MRFAP1L2: variants seen among roughly 807,000 people sequenced by gnomAD.
MRFAP1L2 encodes the protein Morf4 family associated protein 1 like 2.
chr4:6,674,384 G>C, the MRFAP1L2 span: 1 of 648,424 alleles, frequency 1.5e-6, no homozygotes, highest in Admixed American at 2.4e-5. Context: ...CCTGCTCGAC[G>C]CCATCAAGAG....
chr4:6,674,423 C>T, the MRFAP1L2 span: 4 of 653,422 alleles, frequency 6.1e-6, no homozygotes, highest in South Asian at 4.8e-5. Flanking sequence ...GCGGGGCGCC[C>T]GGGCCCCAGC....
the MRFAP1L2 span, chr4:6,674,176 C>T: frequency 5.1e-6 from 2 of 390,056 alleles, no homozygotes; most frequent in East Asian, 3.8e-5. Flanking sequence ...GTGAGCAGCC[C>T]CGGCGTGCCC....
At chr4:6,674,132 G>C in the MRFAP1L2 span, 1 of 385,568 alleles carries the variant, frequency 2.6e-6, no homozygotes, top group South Asian at 1.2e-4. Context: ...TAGTCTGGTC[G>C]TTGGTGACAG....
chr4:6,674,783 G>A, the MRFAP1L2 span: 2 of 490,604 alleles, frequency 4.1e-6, no homozygotes, highest in Non-Finnish European at 7.2e-6. Flanking sequence ...CGTAGACCTG[G>A]TGGGTCACTA....
the MRFAP1L2 span, chr4:6,676,004 C>G: frequency 6.6e-6 from 1 of 152,204 alleles, no homozygotes; most frequent in Admixed American, 6.5e-5. Context: ...AAGCAATTGA[C>G]TTGGCCAAGA....
At chr4:6,674,515 G>C in the MRFAP1L2 span, 11 of 671,304 alleles carry the variant, frequency 1.6e-5, no homozygotes, top group East Asian at 9.2e-5. Flanking sequence ...AGGCGGCGCG[G>C]ATGGGCAGGC....
At chr4:6,675,628 A>G in the MRFAP1L2 span, 1 of 151,980 alleles carries the variant, frequency 6.6e-6, no homozygotes, top group Non-Finnish European at 1.5e-5. Context: ...TTGGAATGTA[A>G]TTTTCCTATG....
chr4:6,674,674 C>T, the MRFAP1L2 span: 2 of 527,296 alleles, frequency 3.8e-6, no homozygotes, highest in South Asian at 2.4e-5. Flanking sequence ...GTGCCACGCT[C>T]TCCGCGGAGT....
chr4:6,674,805 A>T, the MRFAP1L2 span: 7 of 461,232 alleles, frequency 1.5e-5, no homozygotes, highest in Non-Finnish European at 2.3e-5. Flanking sequence ...GTGGGGGGAG[A>T]GAGGTGTGAA....
chr4:6,674,194 T>G, the MRFAP1L2 span: 1 of 392,908 alleles, frequency 2.5e-6, no homozygotes, highest in East Asian at 3.8e-5. Flanking sequence ...CCCCGCGGGC[T>G]GGAAGAGGCG....
the MRFAP1L2 span, chr4:6,674,407 A>C: frequency 3.1e-6 from 2 of 655,052 alleles, no homozygotes; most frequent in South Asian, 3.2e-5. Flanking sequence ...AGGTGGAGGC[A>C]GAGGAGCGGG....
At chr4:6,674,491 G>C in the MRFAP1L2 span, 1 of 671,344 alleles carries the variant, frequency 1.5e-6, no homozygotes, top group Non-Finnish European at 2.7e-6. Flanking sequence ...CCGAAGCAGA[G>C]AGGAAGGCTG....
the MRFAP1L2 span, chr4:6,674,367 T>C: frequency 1.5e-6 from 1 of 646,440 alleles, no homozygotes; most frequent in Non-Finnish European, 2.8e-6. Flanking sequence ...CTGCTGGAGA[T>C]CCAGAGCCTG....
chr4:6,674,083 A>C, the MRFAP1L2 span: 1 of 389,032 alleles, frequency 2.6e-6, no homozygotes, highest in Admixed American at 4.5e-5. Flanking sequence ...CCCATTTTGG[A>C]TACCGTCCTC....
the MRFAP1L2 span, chr4:6,674,618 TC>T: frequency 8.8e-4 from 512 of 581,822 alleles, 2 homozygotes; most frequent in East Asian, 8.3e-3. Flanking sequence ...GCGGGGAGTG[TC>T]CCGCGTGGAA....
At chr4:6,674,364 A>G in the MRFAP1L2 span, 15 of 640,834 alleles carry the variant, frequency 2.3e-5, no homozygotes, top group Non-Finnish European at 3.9e-5. Flanking sequence ...AAGCTGCTGG[A>G]GATCCAGAGC....
At chr4:6,674,380 C>G in the MRFAP1L2 span, 2,961 of 648,538 alleles carry the variant, frequency 4.6e-3, 83 homozygotes, top group African/African-American at 0.051. Flanking sequence ...AGAGCCTGCT[C>G]GACGCCATCA....
chr4:6,675,709 A>G, the MRFAP1L2 span: 3 of 152,356 alleles, frequency 2.0e-5, no homozygotes, highest in African/African-American at 4.8e-5. Flanking sequence ...TTCTAGGTAC[A>G]TGTGTTTGCT....
chr4:6,674,692 A>G, the MRFAP1L2 span: 2 of 524,862 alleles, frequency 3.8e-6, no homozygotes, highest in Admixed American at 8.3e-5. Context: ...AGTTGGTTTC[A>G]TTCTTTTTTC....
Sources: allele counts gnomAD v4.1 joint callset, GRCh38; gene constraint gnomAD v4.1.1; transcripts MANE v1.5; gene names NCBI Gene and HGNC (gene_info 2026-07-23, HGNC 2026-07-21).